GLIS3: variants seen among roughly 807,000 people sequenced by gnomAD.
The protein encoded by GLIS3 is GLIS family zinc finger 3, also known as zinc finger protein GLIS3.
A neutral mutation model predicts 78.6 loss-of-function variants in GLIS3; 53 were observed. The observed-to-expected ratio is 0.67, with a 90% CI of 0.54 to 0.85. The LOEUF is 0.85. Ranked by LOEUF, GLIS3 falls within the 40% of genes least tolerant of loss-of-function variation. The pLI, the probability that GLIS3 is intolerant of heterozygous loss-of-function variation, is 0.00. For synonymous variants in GLIS3, 684 were observed against 509.9 expected (o/e 1.34, Z -4.60); for missense variants, 1,703 against 1,231.1 (o/e 1.38, Z -5.74).
chr9:4,049,283 A>G (rs562671163), intron 4 of GLIS3, among the ~76,000 whole-genome samples: 1 of 152,270 alleles, frequency 6.6e-6, no homozygotes, highest in African/African-American at 2.4e-5. Flanking sequence ...CTGCCTTGAT[A>G]CCTAAGATCC....
the GLIS3 span, among the ~76,000 whole-genome samples, chr9:4,376,936 C>G: frequency 7.4e-6 from 1 of 134,766 alleles, no homozygotes; most frequent in African/African-American, 2.6e-5. Context: ...CTGATTAGTG[C>G]AATGGCAAAG....
intron 4 of GLIS3, among the ~76,000 whole-genome samples, chr9:3,956,473 C>T (rs1563889707): frequency 6.6e-6 from 1 of 152,166 alleles, no homozygotes. Flanking sequence ...AATCTTCAAG[C>T]AGAATATTTT....
chr9:4,284,826 G>A (rs1349545620), intron 2 of GLIS3, among the ~76,000 whole-genome samples: 1 of 152,090 alleles, frequency 6.6e-6, no homozygotes, highest in Non-Finnish European at 1.5e-5. Flanking sequence ...ACTGAAGCAG[G>A]AGGATCACTT....
chr9:4,318,575 A>G (rs779567428), intron 2 of GLIS3, among the ~76,000 whole-genome samples: 2 of 152,214 alleles, frequency 1.3e-5, no homozygotes, highest in South Asian at 4.1e-4. Context: ...AATAACAACA[A>G]TAAGTTATAA....
chr9:4,371,860 G>C, the GLIS3 span, among the ~76,000 whole-genome samples: 320 of 152,294 alleles, frequency 2.1e-3, 1 homozygote, highest in Non-Finnish European at 3.0e-3. Flanking sequence ...CCACTTCTTA[G>C]TTCTTTTGAA....
At chr9:4,425,949 C>G in the GLIS3 span, among the ~76,000 whole-genome samples, 4 of 152,192 alleles carry the variant, frequency 2.6e-5, no homozygotes, top group Non-Finnish European at 4.4e-5. Context: ...TGACTCTGTG[C>G]TCAGAACAGT....
intron 2 of GLIS3, among the ~76,000 whole-genome samples, chr9:4,197,393 T>C (rs1331843492): frequency 6.6e-6 from 1 of 152,226 alleles, no homozygotes; most frequent in African/African-American, 2.4e-5. Flanking sequence ...CTCTGCTCCA[T>C]ACACAGGTAG....
chr9:4,236,420 G>C (rs1397123454), intron 2 of GLIS3, among the ~76,000 whole-genome samples: 2 of 152,100 alleles, frequency 1.3e-5, no homozygotes, highest in Admixed American at 6.5e-5. Context: ...CTTTTTAAAA[G>C]TATTTCCCTT....
At chr9:4,332,924 G>T (rs1395901067) in intron 2 of GLIS3, among the ~76,000 whole-genome samples, 1 of 152,050 alleles carries the variant, frequency 6.6e-6, no homozygotes, top group Non-Finnish European at 1.5e-5. Context: ...CTTTATTATT[G>T]TGACTAACAG....
At chr9:3,921,585 A>G (rs1280377500) in intron 6 of GLIS3, among the ~76,000 whole-genome samples, 1 of 152,242 alleles carries the variant, frequency 6.6e-6, no homozygotes, top group Non-Finnish European at 1.5e-5. Flanking sequence ...TAAAAGTGAC[A>G]TCAAAACAGA....
chr9:4,475,572 A>G, the GLIS3 span, among the ~76,000 whole-genome samples: 2 of 152,236 alleles, frequency 1.3e-5, no homozygotes, highest in Non-Finnish European at 2.9e-5. Flanking sequence ...GTGCAAAGGA[A>G]TCAGGAAGAT....
At chr9:3,991,978 C>T (rs1442666235) in intron 4 of GLIS3, among the ~76,000 whole-genome samples, 2 of 152,140 alleles carry the variant, frequency 1.3e-5, no homozygotes, top group Non-Finnish European at 2.9e-5. Context: ...GCATGAGCCA[C>T]CCTGCCCGGC....
the GLIS3 span, among the ~76,000 whole-genome samples, chr9:4,442,226 A>G: frequency 1.3e-5 from 2 of 152,100 alleles, no homozygotes; most frequent in African/African-American, 4.8e-5. Context: ...AGATTTTCCA[A>G]TTTGTTGGTG....
At chr9:4,170,481 A>AAATCTC (rs1467588458) in intron 2 of GLIS3, among the ~76,000 whole-genome samples, 2 of 152,192 alleles carry the variant, frequency 1.3e-5, no homozygotes, top group African/African-American at 4.8e-5. Context: ...GCTCTATGGG[A>AAATCTC]AATCTCTAAT....
intron 4 of GLIS3, among the ~76,000 whole-genome samples, chr9:3,951,579 T>TA (rs560964650): frequency 1.7e-3 from 252 of 151,650 alleles, no homozygotes; most frequent in African/African-American, 5.8e-3. Context: ...GCTGGCCCTT[T>TA]AAAAAATATA....
the GLIS3 span, among the ~76,000 whole-genome samples, chr9:4,480,680 A>C: frequency 2.6e-5 from 4 of 152,166 alleles, no homozygotes; most frequent in Non-Finnish European, 4.4e-5. Context: ...ACCGGGGCAA[A>C]AAGCATGTGC....
At chr9:4,207,147 C>T (rs1308544242) in intron 2 of GLIS3, among the ~76,000 whole-genome samples, 1 of 152,178 alleles carries the variant, frequency 6.6e-6, no homozygotes, top group Non-Finnish European at 1.5e-5. Context: ...TAATCCATAA[C>T]ATCTTTCATA....
intron 7 of GLIS3, among the ~76,000 whole-genome samples, chr9:3,885,207 C>G (rs756046819): frequency 2.0e-5 from 3 of 152,256 alleles, no homozygotes; most frequent in Non-Finnish European, 4.4e-5. Context: ...TGATCCACTG[C>G]TAGGAAAAGA....
At position 3,955,747 on chromosome 9, in the gene GLIS3, C is replaced by T. The variant is rs75000388; in HGVS notation, c.1711-18558G>A. Among the ~76,000 whole-genome samples the T allele has an allele frequency of 9.9e-5, 15 of 152,032 alleles. No individual in the cohort carries two copies. The South Asian group carries it at 1.0e-3, about 11-fold the overall frequency. On this transcript the variant is annotated intron_variant, in intron 4 of 10. Transcript: ENST00000381971. ...TTCAAAAGCCATAGAGAATAATAAT[C>T]GATAAATTATAGTTAAGGATAGACT...
Sources: allele counts gnomAD v4.1 joint callset (sites outside exome capture counted in the v4.1 genomes callset), GRCh38; gene constraint gnomAD v4.1.1; transcripts MANE v1.5; gene names NCBI Gene and HGNC (gene_info 2026-07-23, HGNC 2026-07-21).